Variants in CDC16 observed in about 807,000 individuals in gnomAD.
CDC16 encodes the protein cell division cycle 16.
In CDC16, 34 loss-of-function variants were observed where a neutral mutation model predicts 87.0. That is an observed-to-expected ratio of 0.39 (90% confidence interval 0.30 to 0.52). The LOEUF is 0.52. Ranked by LOEUF, CDC16 falls within the 20% of genes least tolerant of loss-of-function variation. CDC16 has a pLI of 0.74. For synonymous variants in CDC16, 263 were observed against 260.6 expected, an observed-to-expected ratio of 1.01 and a Z score of -0.09; for missense variants, 653 against 751.9, an observed-to-expected ratio of 0.87 and a Z score of 1.54.
chr13:114,253,260 T>C (rs1207591383), intron 12 of CDC16, among the ~76,000 whole-genome samples: 2 of 152,268 alleles, frequency 1.3e-5, no homozygotes, highest in African/African-American at 4.8e-5. Context: ...TTTTGAGTCA[T>C]TGGTTATTTA....
Position 114,257,208 on chromosome 13 carries a change from G to A in CDC16, c.1228G>A (p.Val410Met), listed in dbSNP as rs777455440. ...CCCTTTTGTTATGCATGAGGTCGGC[G>A]TGGTTGCATTTCAGAATGGAGAGTA... is the stretch of plus-strand genomic sequence containing the variant. ...EDPFVMHEVG[V>M]VAFQNGEWKT... The change falls in exon 13 of 18, where the codon GTG (valine) becomes ATG (methionine). Residue 410 changes from valine to methionine, a missense_variant. Physicochemically the swap from Val to Met is conservative, Grantham distance 21 (BLOSUM62 1). Transcript: ENST00000356221. 3.7e-6 allele frequency: 6 copies of A among 1,610,620 alleles called. No individual in the cohort carries two copies. The highest frequency in any genetic ancestry group is 4.5e-5 in the East Asian group (2 of 44,788).
chr13:114,261,987 T>A (rs7985356), intron 15 of CDC16, 39 bp downstream of exon 15: 333,900 of 1,284,942 alleles, frequency 0.26, 48,687 homozygotes, highest in African/African-American at 0.6. Flanking sequence ...ATACTTTGTG[T>A]CTCAAAGTTT....
chr13:114,265,986 T>C (rs544726320), intron 17 of CDC16, among the ~76,000 whole-genome samples: 1 of 152,344 alleles, frequency 6.6e-6, no homozygotes, highest in South Asian at 2.1e-4. Context: ...TAGCTAATTA[T>C]GTATTTTTAG....
At chr13:114,239,642 C>T (rs2081444103) in intron 5 of CDC16, 152 bp downstream of exon 5, 1 of 1,213,146 alleles carries the variant, frequency 8.2e-7, no homozygotes, top group African/African-American at 1.6e-5. Context: ...AAAAAAGATT[C>T]TGAGACATTT....
intron 15 of CDC16, 73 bp from the exon 16 acceptor site, chr13:114,262,806 T>G: frequency 6.7e-7 from 1 of 1,494,178 alleles, no homozygotes; most frequent in Non-Finnish European, 9.3e-7. Flanking sequence ...GGTGTTGATA[T>G]GGATGGTTGC....
intron 12 of CDC16, among the ~76,000 whole-genome samples, chr13:114,251,445 C>T (rs995378629): frequency 2.0e-5 from 3 of 152,230 alleles, no homozygotes; most frequent in African/African-American, 7.2e-5. Context: ...AGAAAGCACT[C>T]AGTGAAAGTT....
intron 11 of CDC16, 109 bp downstream of exon 11, chr13:114,247,113 A>T: frequency 5.8e-6 from 4 of 691,440 alleles, no homozygotes; most frequent in Non-Finnish European, 1.0e-5. Context: ...GAAAGAATAA[A>T]TGTTTTTTTT....
At chr13:114,236,579 A>G (rs1237698514) in intron 1 of CDC16, 66 bp from the exon 2 acceptor site, 2 of 1,324,214 alleles carry the variant, frequency 1.5e-6, no homozygotes, top group Non-Finnish European at 2.1e-6. Flanking sequence ...TAATAATATT[A>G]GATAACTGTT....
chr13:114,245,802 C>G (rs540302977), intron 9 of CDC16, 198 bp from the exon 10 acceptor site: 5 of 518,518 alleles, frequency 9.6e-6, no homozygotes, highest in Non-Finnish European at 1.7e-5. Flanking sequence ...TAGGGGGTGT[C>G]TGTTCCCACC....
chr13:114,250,653 C>T lies in CDC16; in HGVS notation c.1076C>T (p.Thr359Ile), dbSNP rs1011829287. The T allele has an allele frequency of 1.2e-6, 2 of 1,614,008 alleles. No individual in the cohort carries two copies. The highest frequency in any genetic ancestry group is 2.7e-5 in the African/African-American group (2 of 75,018). ...EHDQAMAAYF[T>I]AAQLMKGCHL... ...GACCAAGCGATGGCTGCTTACTTCA[C>T]AGCAGCACAGCTGATGAAAGGGTAC... Residue 359 changes from threonine to isoleucine, a missense_variant, in exon 12 of 18, where the codon ACA (threonine) becomes ATA (isoleucine). Transcript: ENST00000356221.
In CDC16 at chr13:114,252,765, C is replaced by T. The variant is rs1247697159; in HGVS notation, c.1097+2091C>T. Among the ~76,000 whole-genome samples, 6 of 152,138 alleles carry T rather than the reference C, an allele frequency of 3.9e-5. No individual in the cohort carries two copies. In the East Asian group the frequency reaches 1.2e-3, roughly 29 times the overall value. On this transcript the variant is annotated intron_variant, in intron 12 of 17. Transcript: ENST00000356221. ...AGAATAGTTATTAGTTAGTTCCTAG[C>T]TGGGAATCAGAATCAATGATAATTA... is the stretch of plus-strand genomic sequence containing the variant.
intron 11 of CDC16, among the ~76,000 whole-genome samples, chr13:114,247,394 C>T (rs1229797992): frequency 6.6e-6 from 1 of 151,352 alleles, no homozygotes; most frequent in African/African-American, 2.4e-5. Flanking sequence ...TCTTGAACTC[C>T]TGGCCTCAAG....
intron 11 of CDC16, among the ~76,000 whole-genome samples, chr13:114,247,402 A>G (rs914241023): frequency 6.6e-5 from 10 of 151,262 alleles, no homozygotes; most frequent in African/African-American, 2.4e-4. Context: ...TCCTGGCCTC[A>G]AGCAGTCCTC....
At chr13:114,261,108 A>T (rs2082833530) in intron 14 of CDC16, among the ~76,000 whole-genome samples, 1 of 152,184 alleles carries the variant, frequency 6.6e-6, no homozygotes, top group South Asian at 2.1e-4. Flanking sequence ...ATCAGACATC[A>T]GCTAGGCAAA....
chr13:114,256,012 A>T (rs928681872), intron 12 of CDC16, among the ~76,000 whole-genome samples: 1 of 152,198 alleles, frequency 6.6e-6, no homozygotes, highest in East Asian at 1.9e-4. Flanking sequence ...GCTTTCTCCA[A>T]TGGCTGCTAG....
At chr13:114,247,112 A>G (rs573197414) in intron 11 of CDC16, 108 bp downstream of exon 11, 1 of 706,346 alleles carries the variant, frequency 1.4e-6, no homozygotes, top group African/African-American at 1.8e-5. Flanking sequence ...TGAAAGAATA[A>G]ATGTTTTTTT....
At chr13:114,254,515 C>T (rs1300096304) in intron 12 of CDC16, among the ~76,000 whole-genome samples, 1 of 152,176 alleles carries the variant, frequency 6.6e-6, no homozygotes, top group African/African-American at 2.4e-5. Context: ...GCTGTTTCCT[C>T]TTGCCTCCTT....
At chr13:114,242,421 G>A in intron 6 of CDC16, 141 bp downstream of exon 6, 2 of 731,684 alleles carry the variant, frequency 2.7e-6, no homozygotes, top group Non-Finnish European at 2.2e-6. Flanking sequence ...GTCTTCAAAT[G>A]TAAAGCACGT....
intron 12 of CDC16, among the ~76,000 whole-genome samples, chr13:114,255,966 C>G (rs1159075668): frequency 1.3e-5 from 2 of 152,202 alleles, no homozygotes; most frequent in East Asian, 3.8e-4. Flanking sequence ...AGCAGCAGTT[C>G]CCTGTGGGGT....
Sources: gnomAD v4.1 joint callset for allele counts (sites outside exome capture counted in the v4.1 genomes callset) on GRCh38, gnomAD v4.1.1 for gene constraint, MANE v1.5 for transcripts, NCBI Gene and HGNC (gene_info 2026-07-23, HGNC 2026-07-21) for gene names.